The following WDR72 variants were observed in gnomAD, a reference collection of about 807,000 sequenced individuals.
WDR72 encodes the protein WD repeat-containing protein 72.
Under a neutral mutation model 124.2 loss-of-function variants are expected in WDR72, and 120 were observed. The observed-to-expected ratio is 0.97, with a 90% CI of 0.83 to 1.12. The LOEUF (loss-of-function observed/expected upper bound fraction) is 1.12, where lower values mean the gene tolerates loss of function less well. Among genes scored for constraint, WDR72 ranks in the 50% most tolerant of loss-of-function variants. The pLI is 0.00. For synonymous variants in WDR72, 452 were observed against 441.7 expected (o/e 1.02, Z -0.29); for missense variants, 1,387 against 1,278.8 (o/e 1.08, Z -1.29).
At chr15:53,748,739 T>C (rs1156448269) in intron 1 of WDR72, among the ~76,000 whole-genome samples, 1 of 152,196 alleles carries the variant, frequency 6.6e-6, no homozygotes, top group Non-Finnish European at 1.5e-5. Context: ...TATTTTCTTC[T>C]GAGATATCCA....
At chr15:53,676,978 TGGC>T (rs905405360) in intron 13 of WDR72, among the ~76,000 whole-genome samples, 11 of 150,650 alleles carry the variant, frequency 7.3e-5, no homozygotes, top group Admixed American at 5.3e-4. Context: ...TGGAGTGCAG[TGGC>T]ACCATCTCGG....
rs766963591 is a variant in WDR72, at chr15:53,615,832, T to C, written c.2374A>G (p.Ile792Val). Residue 792 changes from isoleucine (I) to valine (V), a missense_variant, in exon 15 of 20, where the codon ATA becomes GTA. By Grantham distance (29) the Ile-to-Val change is conservative (BLOSUM62 3). Transcript: ENST00000360509. ...PSRKVDASLT[I>V]DTAKLFLSCL... The stretch of plus-strand genomic sequence containing the variant: ...GACAGAAACAATTTTGCTGTGTCTA[T>C]TGTGAGACTGGCATCTACTTTTCTT... The C allele has an allele frequency of 3.1e-6, 5 of 1,613,530 alleles. No individual in the cohort carries two copies. The highest frequency in any genetic ancestry group is 2.7e-5 in the African/African-American group (2 of 74,888).
At chr15:53,737,239 T>G (rs1328960138) in intron 1 of WDR72, among the ~76,000 whole-genome samples, 1 of 152,134 alleles carries the variant, frequency 6.6e-6, no homozygotes, top group African/African-American at 2.4e-5. Flanking sequence ...AAGGAAGTGC[T>G]CAAATAGTGA....
chr15:53,718,611 A>G (rs1021782988), intron 3 of WDR72, among the ~76,000 whole-genome samples: 3 of 152,064 alleles, frequency 2.0e-5, no homozygotes, highest in African/African-American at 7.2e-5. Context: ...CTGGAACCAT[A>G]TAAGTTACAT....
chr15:53,553,730 T>C (rs938748931), intron 18 of WDR72, among the ~76,000 whole-genome samples: 1 of 152,194 alleles, frequency 6.6e-6, no homozygotes, highest in South Asian at 2.1e-4. Flanking sequence ...TTGGTGCAAA[T>C]AGTCCTTGTA....
At chr15:53,545,314 G>A (rs1893389576) in intron 18 of WDR72, among the ~76,000 whole-genome samples, 1 of 151,172 alleles carries the variant, frequency 6.6e-6, no homozygotes, top group South Asian at 2.1e-4. Context: ...CCGAAACAGA[G>A]ATATAGATCA....
chr15:53,676,933 T>G (rs1385335647), intron 13 of WDR72, among the ~76,000 whole-genome samples: 1 of 151,572 alleles, frequency 6.6e-6, no homozygotes, highest in African/African-American at 2.4e-5. Flanking sequence ...GCTTTTTTTT[T>G]TTTTTTTGAC....
At position 53,525,377 on chromosome 15, in the gene WDR72, A is replaced by G. The variant is rs549662580; in HGVS notation, c.3149-2055T>C. ...TATTACTAAAAGCCAATGAGGTGGC[A>G]CCTCTATTGATTTGGGCAAATGCAT... On this transcript the variant is annotated intron_variant, in intron 18 of 19. Transcript: ENST00000360509. Among the ~76,000 whole-genome samples, 11 of 152,202 alleles carry G rather than the reference A, an allele frequency of 7.2e-5. No individual in the cohort carries two copies. The South Asian group carries it at 2.3e-3, about 31-fold the overall frequency.
At chr15:53,738,643 C>G (rs2018423085) in intron 1 of WDR72, among the ~76,000 whole-genome samples, 1 of 152,278 alleles carries the variant, frequency 6.6e-6, no homozygotes, top group African/African-American at 2.4e-5. Context: ...GTCGCCCATG[C>G]TGAAGTGCAA....
chr15:53,645,544 C>A (rs928283158), intron 14 of WDR72, among the ~76,000 whole-genome samples: 2 of 151,852 alleles, frequency 1.3e-5, no homozygotes, highest in Middle Eastern at 3.2e-3. Context: ...TGAAGGGTGT[C>A]ATTTACTGTG....
At chr15:53,555,780 C>T (rs1893907939) in intron 18 of WDR72, among the ~76,000 whole-genome samples, 1 of 152,012 alleles carries the variant, frequency 6.6e-6, no homozygotes, top group African/African-American at 2.4e-5. Context: ...TATTTCTCAG[C>T]CCTTTACTGT....
At chr15:53,695,392 TA>T (rs1020668172) in intron 13 of WDR72, among the ~76,000 whole-genome samples, 1 of 152,318 alleles carries the variant, frequency 6.6e-6, no homozygotes, top group African/African-American at 2.4e-5. Context: ...TTAGGGAAAA[TA>T]AAATCAGTAA....
At chr15:53,586,727 T>G (rs1024092613) in intron 18 of WDR72, among the ~76,000 whole-genome samples, 1 of 152,048 alleles carries the variant, frequency 6.6e-6, no homozygotes, top group Non-Finnish European at 1.5e-5. Flanking sequence ...AGTGAATGAA[T>G]AGGATAAGAA....
At chr15:53,597,955 G>A (rs912591682) in intron 17 of WDR72, among the ~76,000 whole-genome samples, 8 of 152,072 alleles carry the variant, frequency 5.3e-5, no homozygotes, top group Non-Finnish European at 1.0e-4. Context: ...CACAGACTTG[G>A]TGGACAGACC....
intron 18 of WDR72, among the ~76,000 whole-genome samples, chr15:53,556,185 C>G (rs1306952844): frequency 6.6e-6 from 1 of 151,954 alleles, no homozygotes; most frequent in Admixed American, 6.6e-5. Context: ...ATACAATGTC[C>G]ATCCTTGGAG....
At chr15:53,685,133 A>G (rs2016569016) in intron 13 of WDR72, among the ~76,000 whole-genome samples, 1 of 151,002 alleles carries the variant, frequency 6.6e-6, no homozygotes, top group South Asian at 2.1e-4. Context: ...GAAAAACTGG[A>G]AACTCTAAAA....
chr15:53,565,759 C>T (rs955000379), intron 18 of WDR72, among the ~76,000 whole-genome samples: 17 of 92,466 alleles, frequency 1.8e-4, no homozygotes, highest in Admixed American at 5.7e-4. Context: ...TGTGCACATA[C>T]GTTGAATTAA....
chr15:53,569,077 A>G (rs1894405875), intron 18 of WDR72, among the ~76,000 whole-genome samples: 1 of 57,842 alleles, frequency 1.7e-5, no homozygotes. Flanking sequence ...ATACTAATCT[A>G]AAGTTTTCTT....
At chr15:53,683,354 C>A (rs866425753) in intron 13 of WDR72, among the ~76,000 whole-genome samples, 2 of 152,056 alleles carry the variant, frequency 1.3e-5, no homozygotes, top group Non-Finnish European at 2.9e-5. Flanking sequence ...TTGTTCCCAA[C>A]ACATAGAAAT....
Sources: allele counts gnomAD v4.1 joint callset (sites outside exome capture counted in the v4.1 genomes callset), GRCh38; gene constraint gnomAD v4.1.1; transcripts MANE v1.5; gene names NCBI Gene and HGNC (gene_info 2026-07-23, HGNC 2026-07-21).